Variants in SLC9A1 observed in about 807,000 individuals in gnomAD.
SLC9A1 encodes solute carrier family 9 member A1.
In SLC9A1, 22 loss-of-function variants were observed where a neutral mutation model predicts 67.9. That is an observed-to-expected ratio of 0.32 (90% CI 0.23 to 0.46). The LOEUF (loss-of-function observed/expected upper bound fraction) is 0.46, where lower values mean the gene tolerates loss of function less well. Ranked by LOEUF, SLC9A1 falls within the 20% of genes least tolerant of loss-of-function variation. SLC9A1 has a pLI of 1.00. For missense variants in SLC9A1, 686 were observed against 1,094.8 expected, an observed-to-expected ratio of 0.63 and a Z score of 5.27; for synonymous variants, 421 against 471.8, an observed-to-expected ratio of 0.89 and a Z score of 1.40.
intron 3 of SLC9A1, 111 bp from the exon 4 acceptor site, chr1:27,107,976 C>A: frequency 1.3e-6 from 1 of 754,528 alleles, no homozygotes; most frequent in South Asian, 1.6e-5. Flanking sequence ...TCCCAAGCTC[C>A]TCTATGGGCC....
intron 1 of SLC9A1, among the ~76,000 whole-genome samples, chr1:27,120,583 CA>C (rs1361261556): frequency 2.0e-5 from 3 of 151,794 alleles, no homozygotes; most frequent in South Asian, 2.1e-4. Flanking sequence ...ACGAAAAATA[CA>C]AAAATTAGCC....
At chr1:27,143,046 TAAAAAAAA>T (rs55970751) in intron 1 of SLC9A1, among the ~76,000 whole-genome samples, 8 of 98,418 alleles carry the variant, frequency 8.1e-5, no homozygotes, top group South Asian at 3.6e-4. Flanking sequence ...ATCAACTGTG[TAAAAAAAA>T]AAAAAAAAAA....
intron 4 of SLC9A1, among the ~76,000 whole-genome samples, chr1:27,107,099 C>CCA (rs141172880): frequency 1.2e-3 from 164 of 137,922 alleles, no homozygotes; most frequent in Middle Eastern, 4.1e-3. Flanking sequence ...CCCAGCCCCT[C>CCA]CACACACACA....
intron 1 of SLC9A1, among the ~76,000 whole-genome samples, chr1:27,117,379 A>C (rs1466992520): frequency 6.6e-6 from 1 of 152,208 alleles, no homozygotes; most frequent in Non-Finnish European, 1.5e-5. Context: ...AAGAGAAGGC[A>C]GAGTCTAAAG....
chr1:27,149,576 T>C (rs900859260), intron 1 of SLC9A1, among the ~76,000 whole-genome samples: 2 of 152,096 alleles, frequency 1.3e-5, no homozygotes, highest in African/African-American at 2.4e-5. Flanking sequence ...AAAGAGAAAG[T>C]GACTGCTGTG....
At chr1:27,116,267 G>A (rs2083271616) in intron 1 of SLC9A1, among the ~76,000 whole-genome samples, 1 of 152,152 alleles carries the variant, frequency 6.6e-6, no homozygotes, top group Non-Finnish European at 1.5e-5. Flanking sequence ...GGCTGAGACA[G>A]GAGAATTGCT....
At chr1:27,147,064 G>T (rs775502650) in intron 1 of SLC9A1, among the ~76,000 whole-genome samples, 23 of 151,978 alleles carry the variant, frequency 1.5e-4, no homozygotes, top group South Asian at 4.1e-4. Context: ...CTGAGGTCAG[G>T]AGTTCGAGAC....
chr1:27,146,736 C>T (rs775781098), intron 1 of SLC9A1, among the ~76,000 whole-genome samples: 2 of 152,064 alleles, frequency 1.3e-5, no homozygotes, highest in African/African-American at 2.4e-5. Flanking sequence ...GCCGTCTTTG[C>T]GCCACTGCAC....
At chr1:27,127,577 CA>C (rs56102516) in intron 1 of SLC9A1, among the ~76,000 whole-genome samples, 12,320 of 152,248 alleles carry the variant, frequency 0.081, 691 homozygotes, top group South Asian at 0.18. Context: ...AGAGAATTCC[CA>C]ATCACCCTGC....
rs2083424906 is a variant in SLC9A1, at chr1:27,137,059, A to T, written c.352+16924T>A. 6.6e-6 allele frequency among the ~76,000 whole-genome samples: 1 copy of T among 152,248 alleles called. No individual in the cohort carries two copies. Among genetic ancestry groups the T allele is most frequent in the African/African-American group, 2.4e-5 (1 of 41,474 alleles). On this transcript the variant is annotated intron_variant, in intron 1 of 11. Coordinates refer to ENST00000263980, the MANE Select transcript of SLC9A1 (RefSeq NM_003047.5). The surrounding 1 kb of genome is among the most constrained non-coding windows in gnomAD (Gnocchi z 4.6). Reference sequence around the variant, plus strand: ...CATCTGCCCCCAGGGCCCACCTGCAACGTGCTGTGTCCCTGCGGCACTTCA... The same window carrying T: ...CATCTGCCCCCAGGGCCCACCTGCATCGTGCTGTGTCCCTGCGGCACTTCA...
At chr1:27,143,874 T>C (rs1310943457) in intron 1 of SLC9A1, among the ~76,000 whole-genome samples, 2 of 152,140 alleles carry the variant, frequency 1.3e-5, no homozygotes, top group African/African-American at 2.4e-5. Flanking sequence ...AATATATACA[T>C]GGAGAATTTC....
At chr1:27,128,307 G>A (rs370515766) in intron 1 of SLC9A1, among the ~76,000 whole-genome samples, 9 of 152,248 alleles carry the variant, frequency 5.9e-5, no homozygotes, top group South Asian at 2.1e-4. Flanking sequence ...ATGGCACAGC[G>A]TTGCTGTAAG....
chr1:27,148,178 A>T (rs948318627), intron 1 of SLC9A1, among the ~76,000 whole-genome samples: 3 of 152,092 alleles, frequency 2.0e-5, no homozygotes, highest in Non-Finnish European at 4.4e-5. Flanking sequence ...GGCATGCAAC[A>T]TTCTGGGGGA....
Position 27,137,393 on chromosome 1 carries a change from C to T in SLC9A1, c.352+16590G>A, listed in dbSNP as rs746457603. Among the ~76,000 whole-genome samples the T allele has an allele frequency of 4.6e-5, 7 of 152,332 alleles. No individual in the cohort carries two copies. Among genetic ancestry groups the T allele is most frequent in the South Asian group, 2.1e-4 (1 of 4,828 alleles). ...CCCTGGCCTCTGCTTCCTCTGTGAG[C>T]TGAGGGGGATGGGCCGGGCTCTGTC... On this transcript the variant is annotated intron_variant, in intron 1 of 11. Transcript: ENST00000263980. This position sits in a 1 kb window ranked among gnomAD's most constrained non-coding sequence, Gnocchi z 4.6.
chr1:27,105,502 T>C (rs774778510), intron 5 of SLC9A1: 1 of 575,114 alleles, frequency 1.7e-6, no homozygotes, highest in South Asian at 2.1e-5. Flanking sequence ...TTCACCATGT[T>C]AGTCAGGCTG....
intron 2 of SLC9A1, among the ~76,000 whole-genome samples, chr1:27,111,067 G>A (rs1455327880): frequency 6.6e-6 from 1 of 152,316 alleles, no homozygotes; most frequent in Non-Finnish European, 1.5e-5. Context: ...GCTCCAGAAA[G>A]ACCTGACTTG....
Position 27,153,928 on chromosome 1 carries a change from G to A in SLC9A1, c.352+55C>T, listed in dbSNP as rs2083548184. 12 of 1,226,404 alleles carry A rather than the reference G, an allele frequency of 9.8e-6. No homozygotes were observed. In the South Asian group the frequency reaches 1.6e-4, roughly 16 times the overall value. The allele number at this position is 1,226,404 out of a possible 1,614,324, so 76.0% of individuals were successfully genotyped here. A position where few individuals can be genotyped will look rare whatever the true frequency, so the allele number is the denominator to read the frequency against. ...ACAGCCTCAAATGGTGCGAGATGAGGCAAGAAGCTCACCAGTCTGGTGGCG... is the reference window on the plus strand; with the variant it reads ...ACAGCCTCAAATGGTGCGAGATGAGACAAGAAGCTCACCAGTCTGGTGGCG... On this transcript the variant is annotated intron_variant, in intron 1 of 11. Coordinates refer to ENST00000263980, the MANE Select transcript of SLC9A1 (RefSeq NM_003047.5).
chr1:27,139,159 C>G (rs1222676917), intron 1 of SLC9A1, among the ~76,000 whole-genome samples: 1 of 152,118 alleles, frequency 6.6e-6, no homozygotes, highest in Non-Finnish European at 1.5e-5. Flanking sequence ...GGCTGGGCTC[C>G]CCAACAGGTG....
At chr1:27,128,989 T>C (rs1258207781) in intron 1 of SLC9A1, among the ~76,000 whole-genome samples, 1 of 151,812 alleles carries the variant, frequency 6.6e-6, no homozygotes. Context: ...AACAAATGCA[T>C]GCACGCACGC....
Sources: allele counts gnomAD v4.1 joint callset (sites outside exome capture counted in the v4.1 genomes callset), GRCh38; gene constraint gnomAD v4.1.1; non-coding constraint Gnocchi (gnomAD v3.1); transcripts MANE v1.5; gene names NCBI Gene and HGNC (gene_info 2026-07-23, HGNC 2026-07-21).